Variants in DNAH6 observed in about 807,000 individuals in gnomAD.
DNAH6 encodes dynein axonemal heavy chain 6.
In DNAH6, 340 loss-of-function variants were observed where a neutral mutation model predicts 491.4. The ratio of observed to expected loss-of-function variants is 0.69; its 90% CI spans 0.63 to 0.76. The LOEUF (loss-of-function observed/expected upper bound fraction) is 0.76. Among genes scored for constraint, DNAH6 ranks in the 30% least tolerant of loss-of-function variants. The pLI is 0.00. For missense variants in DNAH6, 4,443 were observed against 4,972.2 expected (o/e 0.89, Z 3.20); for synonymous variants, 1,603 against 1,686.1 (o/e 0.95, Z 1.21).
chr2:84,655,885 C>T (rs973378374), intron 35 of DNAH6, among the ~76,000 whole-genome samples: 2 of 152,078 alleles, frequency 1.3e-5, no homozygotes, highest in Non-Finnish European at 1.5e-5. Flanking sequence ...CATAATGTCA[C>T]GTTTCCACCA....
At chr2:84,662,146 G>A (rs1457408443) in intron 37 of DNAH6, among the ~76,000 whole-genome samples, 4 of 152,104 alleles carry the variant, frequency 2.6e-5, no homozygotes, top group Admixed American at 6.5e-5. Context: ...AGTGAATTGA[G>A]GAGGTTCCAA....
At position 84,553,028 on chromosome 2, in the gene DNAH6, C is replaced by T. The variant is rs2104568060; in HGVS notation, c.1596C>T (p.Asp532=). ...QSLLFEPSLE[D]FLDGILGAVN... is the part of the protein sequence containing the mutation. ...TGCTCTTTGAGCCTTCTCTGGAAGA[C>T]TTTCTGGTGTGTGTTTTTCATGTAT... Residue 532 remains aspartate (D), a synonymous_variant, in exon 10 of 77, where the codon GAC becomes GAT. Transcript: ENST00000389394. 6.3e-7 allele frequency: 1 copy of T among 1,579,902 alleles called. No homozygotes were observed. Among genetic ancestry groups the T allele is most frequent in the Non-Finnish European group, 8.6e-7 (1 of 1,156,864 alleles).
chr2:84,697,142 G>A (rs1192292), intron 46 of DNAH6, among the ~76,000 whole-genome samples: 15,539 of 152,170 alleles, frequency 0.1, 1,345 homozygotes, highest in African/African-American at 0.24. Context: ...CAACTAAGGG[G>A]AAAAGATATA....
Position 84,553,102 on chromosome 2 carries a change from T to A in DNAH6, c.1602+68T>A. The A allele has an allele frequency of 3.3e-6, 3 of 904,294 alleles. No homozygotes were observed. In the South Asian group the frequency reaches 5.0e-5, roughly 15 times the overall value. 56.0% of individuals were successfully genotyped at this position (904,294 alleles called of 1,614,324 possible). On this transcript the variant is annotated intron_variant, in intron 10 of 76. Transcript: ENST00000389394. Reference sequence around the variant, plus strand: ...GGAAAATGAAGCAGCTGTTTTGCTGTCAATTGGTTGTCAGAATTGCAGTTG... The same window carrying A: ...GGAAAATGAAGCAGCTGTTTTGCTGACAATTGGTTGTCAGAATTGCAGTTG...
rs773280843 is a variant in DNAH6 at position 84,595,681 on chromosome 2, C to T, written c.2760C>T (p.Asn920=). ...KFDCLDPEVL[N]GQVSKYAKFV... ...ATTGCCTGGATCCAGAAGTCCTAAACGGTCAAGTTTCTAAATATGCTAAAT... is the reference window on the plus strand; with the variant it reads ...ATTGCCTGGATCCAGAAGTCCTAAATGGTCAAGTTTCTAAATATGCTAAAT... Residue 920 remains asparagine, a synonymous_variant, in exon 18 of 77, where the codon AAC becomes AAT. Transcript: ENST00000389394. 2.9e-5 allele frequency: 45 copies of T among 1,550,544 alleles called. No individual in the cohort carries two copies. The highest frequency in any genetic ancestry group is 2.3e-4 in the South Asian group (19 of 83,710).
chr2:84,483,142 G>C, the DNAH6 span, among the ~76,000 whole-genome samples: 1 of 151,798 alleles, frequency 6.6e-6, no homozygotes, highest in South Asian at 2.1e-4. Flanking sequence ...TTAATTTTGG[G>C]GGGTAGATAC....
chr2:84,485,985 C>A, the DNAH6 span, among the ~76,000 whole-genome samples: 1 of 151,950 alleles, frequency 6.6e-6, no homozygotes, highest in South Asian at 2.1e-4. Flanking sequence ...TTGATGTGTC[C>A]CCATGTTCAA....
the DNAH6 span, among the ~76,000 whole-genome samples, chr2:84,467,722 CATT>C: frequency 3.3e-5 from 5 of 152,208 alleles, no homozygotes; most frequent in Admixed American, 1.3e-4. Flanking sequence ...AACAACCAGT[CATT>C]TTACTTTAGG....
intron 63 of DNAH6, among the ~76,000 whole-genome samples, chr2:84,755,132 G>A (rs1235175380): frequency 6.6e-6 from 1 of 152,136 alleles, no homozygotes; most frequent in African/African-American, 2.4e-5. Flanking sequence ...CCCCAGTACA[G>A]CAGTGTTAAG....
intron 4 of DNAH6, among the ~76,000 whole-genome samples, chr2:84,542,140 T>A (rs571401655): frequency 5.9e-5 from 9 of 152,238 alleles, no homozygotes; most frequent in Admixed American, 3.3e-4. Flanking sequence ...ACAGCTACCA[T>A]CTTCTAGAAG....
rs1316498644 is a variant in DNAH6 at position 84,694,426 on chromosome 2, C to T, written c.7470C>T (p.Tyr2490=). ...DSFHEDLRKL[Y]KMAGVEDKNM... ...TTCATGAAGACCTGAGGAAGTTGTA[C>T]AAAATGGCTGGTGTAGAAGACAAGA... The change falls in exon 46 of 77, where the codon TAC becomes TAT. Residue 2490 remains tyrosine, a synonymous_variant. Coordinates refer to ENST00000389394, the MANE Select transcript of DNAH6 (RefSeq NM_001370.2). The T allele has an allele frequency of 1.9e-6, 3 of 1,552,054 alleles. No individual in the cohort carries two copies. The highest frequency in any genetic ancestry group is 2.0e-5 in the Admixed American group (1 of 50,996).
chr2:84,796,461 C>T (rs1678356349), intron 69 of DNAH6, 36 bp downstream of exon 69: 1 of 1,466,142 alleles, frequency 6.8e-7, no homozygotes. Context: ...AAAGGCCTTT[C>T]CCAAGAAGAT....
the DNAH6 span, among the ~76,000 whole-genome samples, chr2:84,505,741 A>G: frequency 1.3e-5 from 2 of 152,008 alleles, no homozygotes; most frequent in African/African-American, 4.8e-5. Context: ...CCGGTGTGTT[A>G]TGTTCCCCTT....
chr2:84,605,497 A>G lies in DNAH6; in HGVS notation c.3082-3A>G, dbSNP rs1435142472. The G allele has an allele frequency of 1.3e-6, 2 of 1,547,440 alleles. No homozygotes were observed. Among genetic ancestry groups the G allele is most frequent in the African/African-American group, 1.4e-5 (1 of 73,030 alleles). On this transcript the variant is annotated splice_region_variant and splice_polypyrimidine_tract_variant and intron_variant, in intron 19 of 76. Transcript: ENST00000389394. Reference sequence around the variant, plus strand: ...ATATCCTAAGGCTTGAATTATTTCTAAGGTGGAGGACTCTTGGAAAACAAC... The same window carrying G: ...ATATCCTAAGGCTTGAATTATTTCTGAGGTGGAGGACTCTTGGAAAACAAC...
At chr2:84,734,452 G>A (rs1023469170) in intron 62 of DNAH6, among the ~76,000 whole-genome samples, 2 of 152,016 alleles carry the variant, frequency 1.3e-5, no homozygotes, top group Non-Finnish European at 2.9e-5. Flanking sequence ...TAGGATTTAG[G>A]GGACCATCTT....
chr2:84,715,671 G>T, intron 58 of DNAH6, 44 bp downstream of exon 58: 1 of 1,511,850 alleles, frequency 6.6e-7, no homozygotes, highest in Non-Finnish European at 9.0e-7. Context: ...GGTATTGTGG[G>T]TTTCCTAAAT....
At chr2:84,632,236 C>A (rs1363831753) in intron 29 of DNAH6, among the ~76,000 whole-genome samples, 1 of 152,174 alleles carries the variant, frequency 6.6e-6, no homozygotes, top group Non-Finnish European at 1.5e-5. Context: ...GGGCAATGCA[C>A]CACAGTAAGA....
Position 84,637,394 on chromosome 2 carries a change from A to G in DNAH6, c.4821+17A>G, listed in dbSNP as rs1688984677. On this transcript the variant is annotated intron_variant, in intron 31 of 76. Transcript: ENST00000389394. ...ATTGCAGAGGTGAGCATCACATTAT[A>G]AAGCAGCAGAAATGTAAACTTCTTT... 3 of 1,500,130 alleles carry G rather than the reference A, an allele frequency of 2.0e-6. No homozygotes were observed. The highest frequency in any genetic ancestry group is 2.7e-6 in the Non-Finnish European group (3 of 1,119,382). 92.9% of individuals were successfully genotyped at this position (1,500,130 alleles called of 1,614,324 possible). A position where few individuals can be genotyped will look rare whatever the true frequency, so the allele number is the denominator to read the frequency against.
chr2:84,631,088 C>T (rs1216946749), intron 29 of DNAH6, among the ~76,000 whole-genome samples: 3 of 152,148 alleles, frequency 2.0e-5, no homozygotes, highest in Non-Finnish European at 2.9e-5. Context: ...AAAATAGCCC[C>T]TGACTGCTCT....
Sources: gnomAD v4.1 joint callset for allele counts (sites outside exome capture counted in the v4.1 genomes callset) on GRCh38, gnomAD v4.1.1 for gene constraint, MANE v1.5 for transcripts, NCBI Gene and HGNC (gene_info 2026-07-23, HGNC 2026-07-21) for gene names.